Variants in DCDC2C observed in about 807,000 individuals in gnomAD.
The protein encoded by DCDC2C is doublecortin domain containing 2C.
In DCDC2C, 44 loss-of-function variants were observed where a neutral mutation model predicts 45.0. The observed-to-expected ratio is 0.98, with a 90% CI of 0.77 to 1.26. The LOEUF (loss-of-function observed/expected upper bound fraction) is 1.26. Among genes scored for constraint, DCDC2C ranks in the 50% most tolerant of loss-of-function variants. The pLI is 0.00. For synonymous variants in DCDC2C, 187 were observed against 178.8 expected, an observed-to-expected ratio of 1.05 and a Z score of -0.37; for missense variants, 447 against 468.9, an observed-to-expected ratio of 0.95 and a Z score of 0.43.
At chr2:3,822,384 A>T (rs999487056) in intron 10 of DCDC2C, among the ~76,000 whole-genome samples, 15 of 152,146 alleles carry the variant, frequency 9.9e-5, no homozygotes, top group Admixed American at 9.2e-4. Context: ...AATTTTGTGT[A>T]GGTTATTTAA....
At chr2:3,831,784 A>G (rs1671957962) in intron 10 of DCDC2C, among the ~76,000 whole-genome samples, 1 of 152,184 alleles carries the variant, frequency 6.6e-6, no homozygotes, top group South Asian at 2.1e-4. Flanking sequence ...TGTGATGTCT[A>G]AGGCAGAGCG....
At chr2:3,755,381 G>A (rs1490790728) in intron 6 of DCDC2C, among the ~76,000 whole-genome samples, 1 of 152,102 alleles carries the variant, frequency 6.6e-6, no homozygotes, top group Non-Finnish European at 1.5e-5. Context: ...GGGTGCATGT[G>A]TATGTATGAA....
At chr2:3,732,974 G>C (rs1668916612) in intron 3 of DCDC2C, among the ~76,000 whole-genome samples, 1 of 152,192 alleles carries the variant, frequency 6.6e-6, no homozygotes, top group Admixed American at 6.5e-5. Flanking sequence ...ATAATTGCTT[G>C]TGTAATTTTG....
chr2:3,782,694 G>T (rs2148178178), intron 9 of DCDC2C, among the ~76,000 whole-genome samples: 1 of 152,228 alleles, frequency 6.6e-6, no homozygotes, highest in East Asian at 1.9e-4. Flanking sequence ...TAGCCAGGTT[G>T]GTTCTCAATC....
chr2:3,836,356 G>A (rs905203046), intron 10 of DCDC2C, among the ~76,000 whole-genome samples: 3 of 152,188 alleles, frequency 2.0e-5, no homozygotes, highest in Non-Finnish European at 4.4e-5. Flanking sequence ...AGCTGTCACA[G>A]TTTGGAGGTA....
intron 4 of DCDC2C, among the ~76,000 whole-genome samples, chr2:3,750,639 C>T (rs1669516471): frequency 1.3e-5 from 2 of 152,104 alleles, no homozygotes; most frequent in Admixed American, 6.6e-5. Flanking sequence ...GGTCTTTCTC[C>T]CCAGTGCCTT....
intron 4 of DCDC2C, 121 bp downstream of exon 4, chr2:3,742,169 A>C: frequency 8.5e-7 from 1 of 1,174,484 alleles, no homozygotes; most frequent in Non-Finnish European, 1.1e-6. Context: ...TCTTAATTTT[A>C]ATTCTTCAAG....
At chr2:3,817,717 T>A (rs1572639107) in intron 10 of DCDC2C, among the ~76,000 whole-genome samples, 1 of 152,138 alleles carries the variant, frequency 6.6e-6, no homozygotes, top group East Asian at 1.9e-4. Flanking sequence ...GCCCTGCACT[T>A]TGGCTGTGTG....
At chr2:3,758,380 C>T (rs1669783172) in intron 6 of DCDC2C, among the ~76,000 whole-genome samples, 1 of 152,164 alleles carries the variant, frequency 6.6e-6, no homozygotes, top group Non-Finnish European at 1.5e-5. Flanking sequence ...GGGGTTGATT[C>T]TGTACATGTT....
chr2:3,720,567 G>A (rs1668472484), intron 2 of DCDC2C, among the ~76,000 whole-genome samples: 1 of 152,206 alleles, frequency 6.6e-6, no homozygotes, highest in African/African-American at 2.4e-5. Flanking sequence ...AGCTGGGTCA[G>A]GCTTGAGCTA....
At chr2:3,807,354 A>G (rs1671277341) in intron 10 of DCDC2C, among the ~76,000 whole-genome samples, 1 of 152,160 alleles carries the variant, frequency 6.6e-6, no homozygotes, top group African/African-American at 2.4e-5. Context: ...GTGCCCAGGC[A>G]GGGGGCTGGA....
At chr2:3,755,547 A>ATG (rs1408978500) in intron 6 of DCDC2C, among the ~76,000 whole-genome samples, 6 of 150,684 alleles carry the variant, frequency 4.0e-5, no homozygotes, top group Non-Finnish European at 7.4e-5. Flanking sequence ...ATGTGTAGGG[A>ATG]TGTATGTGTG....
At position 3,709,845 on chromosome 2, in the gene DCDC2C, AG is replaced by A. The variant is rs1668160724; in HGVS notation, c.339+1248del. Among the ~76,000 whole-genome samples, 4 of 152,328 alleles carry A rather than the reference AG, an allele frequency of 2.6e-5. No homozygotes were observed. The South Asian group carries it at 8.3e-4, about 32-fold the overall frequency. ...GATTTAAAAGGCAATATTTTAGGAC[AG>A]GGAGGAAATTTCAGACTATCTTGTC... is the stretch of plus-strand genomic sequence containing the variant. On this transcript the variant is annotated intron_variant, in intron 2 of 10. Coordinates refer to ENST00000399143, the MANE Select transcript of DCDC2C (RefSeq NM_001287444.2).
chr2:3,708,623 T>C lies in DCDC2C; in HGVS notation c.339+23T>C, dbSNP rs917307247. The stretch of plus-strand genomic sequence containing the variant: ...GAAGTAAGTGTTTGCTTCTAACAAC[T>C]AATAATGGAATAAATTGGCCAACTT... On this transcript the variant is annotated intron_variant, in intron 2 of 10. Coordinates refer to ENST00000399143, the MANE Select transcript of DCDC2C (RefSeq NM_001287444.2). The C allele has an allele frequency of 2.6e-6, 4 of 1,528,626 alleles. No homozygotes were observed. In the East Asian group the frequency reaches 7.3e-5, roughly 28 times the overall value. The allele number at this position is 1,528,626 out of a possible 1,614,324, so 94.7% of individuals were successfully genotyped here.
intron 2 of DCDC2C, among the ~76,000 whole-genome samples, chr2:3,716,974 C>T (rs1668367445): frequency 6.6e-6 from 1 of 152,136 alleles, no homozygotes; most frequent in African/African-American, 2.4e-5. Context: ...TTGGTCATAG[C>T]CCTGCTGATA....
chr2:3,720,477 G>C (rs1668469580), intron 2 of DCDC2C, among the ~76,000 whole-genome samples: 1 of 152,192 alleles, frequency 6.6e-6, no homozygotes, highest in Non-Finnish European at 1.5e-5. Flanking sequence ...CTTTTGTTCT[G>C]ATGCCAAGAT....
intron 4 of DCDC2C, among the ~76,000 whole-genome samples, chr2:3,750,599 T>C (rs1190854463): frequency 6.6e-6 from 1 of 152,158 alleles, no homozygotes; most frequent in Non-Finnish European, 1.5e-5. Context: ...AAGGCCCCGG[T>C]TGGTCCTGTC....
rs982230704 is a variant in DCDC2C at position 3,847,323 on chromosome 2, CAA to C, written c.*142_*143del. On this transcript the variant is annotated 3_prime_UTR_variant, in exon 11 of 11. Coordinates refer to ENST00000399143, the MANE Select transcript of DCDC2C (RefSeq NM_001287444.2). ...CACACAGTGGTGTCTTCTCGAAAGC[CAA>C]AGACGAGGTTTCATAATTGAGCTCC... 3.1e-5 allele frequency: 15 copies of C among 484,742 alleles called. No individual in the cohort carries two copies. The highest frequency in any genetic ancestry group is 3.0e-4 in the African/African-American group (15 of 50,098). 30.0% of individuals were successfully genotyped at this position (484,742 alleles called of 1,614,324 possible).
intron 10 of DCDC2C, among the ~76,000 whole-genome samples, chr2:3,835,779 T>A (rs1269553145): frequency 6.6e-6 from 1 of 152,128 alleles, no homozygotes; most frequent in Non-Finnish European, 1.5e-5. Flanking sequence ...CATCTGACTC[T>A]GTCACCCAGG....
Sources: gnomAD v4.1 joint callset for allele counts (sites outside exome capture counted in the v4.1 genomes callset) on GRCh38, gnomAD v4.1.1 for gene constraint, MANE v1.5 for transcripts, NCBI Gene and HGNC (gene_info 2026-07-23, HGNC 2026-07-21) for gene names.